The following MMS22L variants were observed in gnomAD, a reference collection of about 807,000 sequenced individuals.
MMS22L encodes the protein MMS22 like, DNA repair protein.
Under a neutral mutation model 159.1 loss-of-function variants are expected in MMS22L, and 74 were observed. The observed-to-expected ratio is 0.47, with a 90% CI of 0.39 to 0.56. The LOEUF (loss-of-function observed/expected upper bound fraction) is 0.56, where lower values mean the gene tolerates loss of function less well. MMS22L is among the 20% of genes least tolerant of loss of function. The pLI, the probability that MMS22L is intolerant of heterozygous loss-of-function variation, is 0.00. For missense variants in MMS22L, 1,351 were observed against 1,422.1 expected (o/e 0.95, Z 0.80); for synonymous variants, 517 against 506.9 (o/e 1.02, Z -0.27).
intron 6 of MMS22L, 61 bp downstream of exon 6, chr6:97,272,643 T>G: frequency 7.0e-7 from 1 of 1,420,712 alleles, no homozygotes; most frequent in Admixed American, 2.1e-5. Flanking sequence ...CCTTCTTGAA[T>G]GAATACTCCT....
At chr6:97,183,998 G>T (rs1159985961) in intron 15 of MMS22L, among the ~76,000 whole-genome samples, 1 of 152,014 alleles carries the variant, frequency 6.6e-6, no homozygotes, top group African/African-American at 2.4e-5. Flanking sequence ...ATCTAAATTT[G>T]CAGTCTGGAA....
At chr6:97,179,367 T>C (rs770802062) in intron 17 of MMS22L, 41 bp downstream of exon 17, 25 of 1,566,398 alleles carry the variant, frequency 1.6e-5, no homozygotes, top group East Asian at 2.3e-5. Context: ...TAGCTTTCCA[T>C]AGATACCCCC....
chr6:97,229,397 A>C lies in MMS22L; in HGVS notation c.1536T>G (p.Tyr512Ter), dbSNP rs1810612781. Reference sequence around the variant, plus strand: ...CCATTCTTTTTTGATGGAATTTTGAATATATTCTGTAAAACATTAAAAAAT... The same window carrying C: ...CCATTCTTTTTTGATGGAATTTTGACTATATTCTGTAAAACATTAAAAAAT... The part of the protein sequence containing the change: ...HPWKQVKGRI[Y>*]SKFHQKRMEE... The change falls in exon 14 of 25, where the codon TAT becomes TAG. Residue 512 changes from tyrosine to a stop codon, truncating the protein, a stop_gained. Transcript: ENST00000683635. LOFTEE classifies it high-confidence loss of function. 1 of 1,554,766 alleles carries C rather than the reference A, an allele frequency of 6.4e-7. No homozygotes were observed. The highest frequency in any genetic ancestry group is 2.3e-5 in the East Asian group (1 of 44,142).
intron 14 of MMS22L, among the ~76,000 whole-genome samples, chr6:97,189,159 T>A (rs112281441): frequency 6.6e-6 from 1 of 150,870 alleles, no homozygotes; most frequent in African/African-American, 2.4e-5. Context: ...GGCCAACAAA[T>A]GTGAACCACC....
rs771716673 is a variant in MMS22L, at chr6:97,229,283, A to G, written c.1650T>C (p.His550=). The change falls in exon 14 of 25, where the codon CAT becomes CAC. Residue 550 remains histidine, a synonymous_variant. Coordinates refer to ENST00000683635, the MANE Select transcript of MMS22L (RefSeq NM_001350599.2). ...AVAEVEDVAS[H]VLDLLNFLKP... is the part of the protein sequence containing the mutation. ...TGAGGAAATTCAGGAGGTCTAAAAC[A>G]TGACTTGCAACATCTTCTACCTCTG... 1.4e-5 allele frequency: 23 copies of G among 1,614,068 alleles called. No individual in the cohort carries two copies. The East Asian group carries it at 4.9e-4, about 34-fold the overall frequency.
chr6:97,180,580 G>C (rs1804609697), intron 16 of MMS22L, among the ~76,000 whole-genome samples: 1 of 152,076 alleles, frequency 6.6e-6, no homozygotes, highest in South Asian at 2.1e-4. Flanking sequence ...CAATGAAGAA[G>C]AACACAGACT....
At chr6:97,281,466 TAA>T (rs1582889643) in intron 2 of MMS22L, 104 bp from the exon 3 acceptor site, 5 of 961,110 alleles carry the variant, frequency 5.2e-6, no homozygotes, top group Non-Finnish European at 7.5e-6. Context: ...ATGACATGTA[TAA>T]AAAGTCAGAA....
At chr6:97,232,368 G>A (rs971835209) in intron 12 of MMS22L, among the ~76,000 whole-genome samples, 3 of 151,884 alleles carry the variant, frequency 2.0e-5, no homozygotes, top group African/African-American at 4.8e-5. Flanking sequence ...ATTCTATCAC[G>A]TTTTCTTAAT....
chr6:97,181,851 C>T lies in MMS22L; in HGVS notation c.2384+53G>A, dbSNP rs1247136786. ...TGAAAATTCTTAGCTTCCTAGGATA[C>T]TGATCTGTCACAGGTTTGCATTAAT... On this transcript the variant is annotated intron_variant, in intron 16 of 24. Coordinates refer to ENST00000683635, the MANE Select transcript of MMS22L (RefSeq NM_001350599.2). 4.5e-6 allele frequency: 7 copies of T among 1,554,358 alleles called. No homozygotes were observed. The Admixed American group carries it at 9.3e-5, about 21-fold the overall frequency.
Position 97,168,246 on chromosome 6 carries a change from AAAG to A in MMS22L, c.2840-9_2840-7del, listed in dbSNP as rs769351099. 1.2e-6 allele frequency: 2 copies of A among 1,611,870 alleles called. No homozygotes were observed. Among genetic ancestry groups the A allele is most frequent in the South Asian group, 2.2e-5 (2 of 90,784 alleles). Reference sequence around the variant, plus strand: ...CCATGATTTCACAAGAATTCCTAACAAAGAAGAGAAGTAACAGCATGTTGTTGT... The same window carrying A: ...CCATGATTTCACAAGAATTCCTAACAAAGAGAAGTAACAGCATGTTGTTGT... On this transcript the variant is annotated splice_region_variant and splice_polypyrimidine_tract_variant and intron_variant, in intron 19 of 24. Transcript: ENST00000683635.
intron 16 of MMS22L, among the ~76,000 whole-genome samples, chr6:97,180,975 TAC>T (rs1474385961): frequency 6.6e-6 from 1 of 152,034 alleles, no homozygotes; most frequent in African/African-American, 2.4e-5. Context: ...ATAAAATAAA[TAC>T]ACAGGCCTAA....
intron 14 of MMS22L, among the ~76,000 whole-genome samples, chr6:97,210,565 C>T (rs1019545738): frequency 6.6e-6 from 1 of 151,900 alleles, no homozygotes; most frequent in Non-Finnish European, 1.5e-5. Context: ...ATTCAAGTTC[C>T]TGGTGCCCAC....
intron 11 of MMS22L, among the ~76,000 whole-genome samples, chr6:97,235,188 TG>T: frequency 6.6e-6 from 1 of 152,224 alleles, no homozygotes; most frequent in East Asian, 1.9e-4. Context: ...AAGATATGTT[TG>T]GAAAAAGATT....
intron 14 of MMS22L, among the ~76,000 whole-genome samples, chr6:97,206,375 T>C (rs1807783500): frequency 9.5e-6 from 1 of 105,670 alleles, no homozygotes. Flanking sequence ...CTCCTGAACC[T>C]CGCATGTACA....
chr6:97,280,240 A>G (rs144874388), intron 3 of MMS22L, among the ~76,000 whole-genome samples: 40 of 152,344 alleles, frequency 2.6e-4, no homozygotes, highest in African/African-American at 9.1e-4. Flanking sequence ...TGGAATAATT[A>G]GCTTTCAATA....
chr6:97,229,253 AG>A lies in MMS22L; in HGVS notation c.1679del (p.Pro560LeufsTer4). ...HVLDLLNFLK[P>X]AFVTSQRALI... ...GGGCTCTCTGAGACGTTACAAAAGC[AG>A]GCTTGAGGAAATTCAGGAGGTCTAA... On this transcript the variant is annotated frameshift_variant, in exon 14 of 25. Coordinates refer to ENST00000683635, the MANE Select transcript of MMS22L (RefSeq NM_001350599.2). LOFTEE classifies it high-confidence loss of function. 1.2e-6 allele frequency: 2 copies of A among 1,614,142 alleles called. No homozygotes were observed. Among genetic ancestry groups the A allele is most frequent in the Non-Finnish European group, 1.7e-6 (2 of 1,180,002 alleles).
chr6:97,145,035 C>CACAT lies in MMS22L; in HGVS notation c.*1770_*1771insATGT, dbSNP rs1270336011. 2.9e-4 allele frequency: 41 copies of CACAT among 139,934 alleles called. 4 individuals are homozygous for CACAT. The highest frequency in any genetic ancestry group is 1.1e-3 in the African/African-American group (37 of 34,032). 8.7% of individuals were successfully genotyped at this position (139,934 alleles called of 1,614,324 possible). ...TGGAAAAAAAAAACCCACACACACACACACACACACACACACACACACACA... is the reference window on the plus strand; with the variant it reads ...TGGAAAAAAAAAACCCACACACACACACATACACACACACACACACACACACACA... On this transcript the variant is annotated 3_prime_UTR_variant, in exon 25 of 25. Coordinates refer to ENST00000683635, the MANE Select transcript of MMS22L (RefSeq NM_001350599.2).
At chr6:97,228,128 C>T (rs1042392603) in intron 14 of MMS22L, among the ~76,000 whole-genome samples, 1 of 152,138 alleles carries the variant, frequency 6.6e-6, no homozygotes, top group African/African-American at 2.4e-5. Flanking sequence ...TCCTTATGGG[C>T]ACAAAATTAC....
chr6:97,241,819 G>A (rs1812107924), intron 11 of MMS22L, among the ~76,000 whole-genome samples: 1 of 152,112 alleles, frequency 6.6e-6, no homozygotes, highest in African/African-American at 2.4e-5. Flanking sequence ...TTACTATTCA[G>A]TTCAAAGGAT....
Sources: gnomAD v4.1 joint callset for allele counts (sites outside exome capture counted in the v4.1 genomes callset) on GRCh38, gnomAD v4.1.1 for gene constraint, MANE v1.5 for transcripts, NCBI Gene and HGNC (gene_info 2026-07-23, HGNC 2026-07-21) for gene names.